Variants in ACOT7 observed in about 807,000 individuals in gnomAD.
The protein encoded by ACOT7 is acyl-CoA thioesterase 7, also known as cytosolic acyl coenzyme A thioester hydrolase.
Under a neutral mutation model 40.2 loss-of-function variants are expected in ACOT7, and 12 were observed. The observed-to-expected ratio is 0.30, with a 90% CI of 0.19 to 0.48. The LOEUF (loss-of-function observed/expected upper bound fraction) is 0.48. Ranked by LOEUF, ACOT7 falls within the 20% of genes least tolerant of loss-of-function variation. The probability of loss-of-function intolerance (pLI) is 0.99; values close to 1 mark genes in which losing one functional copy is unlikely to be tolerated. For synonymous variants in ACOT7, 228 were observed against 219.5 expected, an observed-to-expected ratio of 1.04 and a Z score of -0.34; for missense variants, 395 against 530.8, an observed-to-expected ratio of 0.74 and a Z score of 2.51.
Position 6,306,953 on chromosome 1 carries a change from AG to A in ACOT7, c.712+11538del. ...CAAGTGAACAAGAGCGTCTTGGTGG[AG>A]GCCTCACTTGCGTCCCCTCCCATGT... is the stretch of plus-strand genomic sequence containing the variant. On this transcript the variant is annotated intron_variant, in intron 6 of 8. Transcript: ENST00000361521. This position sits in a 1 kb window ranked among gnomAD's most constrained non-coding sequence, Gnocchi z 4.3. 1.6e-6 allele frequency: 2 copies of A among 1,281,034 alleles called. No homozygotes were observed. The highest frequency in any genetic ancestry group is 2.0e-6 in the Non-Finnish European group (2 of 981,522). The allele number at this position is 1,281,034 out of a possible 1,614,324, so 79.4% of individuals were successfully genotyped here. A position where few individuals can be genotyped will look rare whatever the true frequency, so the allele number is the denominator to read the frequency against.
intron 1 of ACOT7, among the ~76,000 whole-genome samples, chr1:6,391,101 G>C (rs1326279913): frequency 3.9e-5 from 6 of 152,092 alleles, no homozygotes; most frequent in African/African-American, 7.2e-5. Context: ...TTCAAGACCA[G>C]CCTGGCCAAC....
At chr1:6,370,955 C>T (rs1032672680) in intron 1 of ACOT7, among the ~76,000 whole-genome samples, 18 of 151,822 alleles carry the variant, frequency 1.2e-4, no homozygotes, top group South Asian at 4.2e-4. Context: ...GGATTATAGG[C>T]GCCTGCCACT....
chr1:6,296,759 A>G (rs72633408), intron 6 of ACOT7, among the ~76,000 whole-genome samples: 10,285 of 152,020 alleles, frequency 0.068, 394 homozygotes, highest in Non-Finnish European at 0.088. Context: ...TCTTGCAGAG[A>G]TGGGGTCTTG....
intron 1 of ACOT7, among the ~76,000 whole-genome samples, chr1:6,351,237 T>C (rs1162767612): frequency 6.6e-6 from 1 of 152,194 alleles, no homozygotes; most frequent in Non-Finnish European, 1.5e-5. Context: ...TTAGGCCAAC[T>C]GGCTTCTGGC....
At chr1:6,269,474 G>A (rs1248971481) in intron 8 of ACOT7, among the ~76,000 whole-genome samples, 1 of 152,218 alleles carries the variant, frequency 6.6e-6, no homozygotes, top group Admixed American at 6.5e-5. Flanking sequence ...CGGCCACCAG[G>A]CCATCGAGCA....
At chr1:6,392,941 G>A (rs796811014) in intron 1 of ACOT7, among the ~76,000 whole-genome samples, 2 of 152,148 alleles carry the variant, frequency 1.3e-5, no homozygotes, top group African/African-American at 4.8e-5. Flanking sequence ...GCCGGGCTCT[G>A]GAGCTGTGCA....
At chr1:6,327,555 T>C in intron 4 of ACOT7, 142 bp from the exon 5 acceptor site, 2 of 675,412 alleles carry the variant, frequency 3.0e-6, no homozygotes, top group Middle Eastern at 2.5e-4. Flanking sequence ...ATATAAGTAA[T>C]AAGAATACAG....
In ACOT7 at chr1:6,333,457, A is replaced by G. The variant is rs1054677900; in HGVS notation, c.510+20T>C. On this transcript the variant is annotated intron_variant, in intron 4 of 8. Coordinates refer to ENST00000361521, the MANE Select transcript of ACOT7 (RefSeq NM_007274.4). ...TCTCTGCCATCTGCCCCCAAGAGAGAAGTAGAAAGGGCACCTTACCACAAC... is the reference window on the plus strand; with the variant it reads ...TCTCTGCCATCTGCCCCCAAGAGAGGAGTAGAAAGGGCACCTTACCACAAC... 13 of 1,613,418 alleles carry G rather than the reference A, an allele frequency of 8.1e-6. No homozygotes were observed. The highest frequency in any genetic ancestry group is 1.0e-5 in the Non-Finnish European group (12 of 1,179,368).
At chr1:6,367,053 G>C (rs1218061293) in intron 1 of ACOT7, among the ~76,000 whole-genome samples, 13 of 151,992 alleles carry the variant, frequency 8.6e-5, no homozygotes, top group African/African-American at 3.1e-4. Flanking sequence ...AAAAAAATTA[G>C]CTGGGCATGG....
intron 1 of ACOT7, among the ~76,000 whole-genome samples, chr1:6,357,213 G>A (rs1243815307): frequency 6.6e-6 from 1 of 152,124 alleles, no homozygotes; most frequent in African/African-American, 2.4e-5. Context: ...CTCCAGCCTG[G>A]GCAACAAGAG....
At chr1:6,385,656 A>G (rs1422530784) in intron 1 of ACOT7, 1 of 1,612,048 alleles carries the variant, frequency 6.2e-7, no homozygotes, top group South Asian at 1.1e-5. Context: ...AGCCCTGGCA[A>G]GCAGCTTCAT....
Position 6,284,006 on chromosome 1 carries a change from A to G in ACOT7, c.830-2720T>C, listed in dbSNP as rs578113749. On this transcript the variant is annotated intron_variant, in intron 7 of 8. Coordinates refer to ENST00000361521, the MANE Select transcript of ACOT7 (RefSeq NM_007274.4). The stretch of plus-strand genomic sequence containing the variant: ...CAAGACCCTGTCTCAGAAAAAAAGA[A>G]AAAAACTGGAAATCTGATGTGGTCA... Among the ~76,000 whole-genome samples the G allele has an allele frequency of 3.3e-5, 5 of 152,296 alleles. No individual in the cohort carries two copies. The East Asian group carries it at 9.7e-4, about 29-fold the overall frequency.
chr1:6,279,481 G>A (rs973239571), intron 8 of ACOT7, among the ~76,000 whole-genome samples: 1 of 152,228 alleles, frequency 6.6e-6, no homozygotes, highest in African/African-American at 2.4e-5. Flanking sequence ...CCTCGCACCA[G>A]AAGGGGAGCA....
intron 1 of ACOT7, among the ~76,000 whole-genome samples, chr1:6,388,639 TGAG>T (rs537504637): frequency 1.8e-3 from 265 of 143,680 alleles, no homozygotes; most frequent in African/African-American, 6.5e-3. Flanking sequence ...CTCGGGAAGC[TGAG>T]GAGAGGAGAA....
At position 6,355,802 on chromosome 1, in the gene ACOT7, C is replaced by T. The variant is rs1641726875; in HGVS notation, c.144-5936G>A. Among the ~76,000 whole-genome samples the T allele has an allele frequency of 6.6e-6, 1 of 152,192 alleles. No individual in the cohort carries two copies. The highest frequency in any genetic ancestry group is 2.4e-5 in the African/African-American group (1 of 41,462). The stretch of plus-strand genomic sequence containing the variant: ...AGCAGCGGCCCTGGGGTCCAGCCCA[C>T]ATCCTCGCAGGACAGCCCGAGCCTG... On this transcript the variant is annotated intron_variant, in intron 1 of 8. Coordinates refer to ENST00000361521, the MANE Select transcript of ACOT7 (RefSeq NM_007274.4). This position sits in a 1 kb window ranked among gnomAD's most constrained non-coding sequence, Gnocchi z 5.0.
chr1:6,272,863 A>G (rs939211113), intron 8 of ACOT7, among the ~76,000 whole-genome samples: 9 of 152,126 alleles, frequency 5.9e-5, no homozygotes, highest in African/African-American at 2.2e-4. Flanking sequence ...CCCTCGGTTC[A>G]CTGAATCCTC....
rs765961397 is a variant in ACOT7, at chr1:6,358,678, T to C, written c.144-8812A>G. On this transcript the variant is annotated intron_variant, in intron 1 of 8. Transcript: ENST00000361521. This position sits in a 1 kb window ranked among gnomAD's most constrained non-coding sequence, Gnocchi z 4.1. The stretch of plus-strand genomic sequence containing the variant: ...TAAGAGCCAGGCCAGGTGGGTGCCC[T>C]ACTGCCCTTCCTGGCTGCATGACAC... 15 of 773,006 alleles carry C rather than the reference T, an allele frequency of 1.9e-5. No individual in the cohort carries two copies. The East Asian group carries it at 3.4e-4, about 17-fold the overall frequency. The allele number at this position is 773,006 out of a possible 1,614,324, so 47.9% of individuals were successfully genotyped here.
At chr1:6,385,068 A>G (rs1642412229) in intron 1 of ACOT7, among the ~76,000 whole-genome samples, 2 of 151,936 alleles carry the variant, frequency 1.3e-5, no homozygotes, top group Admixed American at 1.3e-4. Flanking sequence ...GGATCAGCCA[A>G]TCGTGCAGGA....
chr1:6,346,477 T>G (rs184278521), intron 2 of ACOT7, among the ~76,000 whole-genome samples: 1 of 152,270 alleles, frequency 6.6e-6, no homozygotes, highest in Admixed American at 6.5e-5. Context: ...ACCCAGCAAG[T>G]CCGAGAAGAA....
Sources: gnomAD v4.1 joint callset for allele counts (sites outside exome capture counted in the v4.1 genomes callset) on GRCh38, gnomAD v4.1.1 for gene constraint, Gnocchi (gnomAD v3.1) non-coding constraint, MANE v1.5 for transcripts, NCBI Gene and HGNC (gene_info 2026-07-23, HGNC 2026-07-21) for gene names.